Variants in HERC2 observed in about 807,000 individuals in gnomAD.
HERC2 encodes the protein HECT and RLD domain containing E3 ubiquitin protein ligase 2.
Under a neutral mutation model 537.7 loss-of-function variants are expected in HERC2, and 102 were observed. That is an observed-to-expected ratio of 0.19 (90% confidence interval 0.16 to 0.22). The LOEUF (loss-of-function observed/expected upper bound fraction) is 0.22. Ranked by LOEUF, HERC2 falls within the 10% of genes least tolerant of loss-of-function variation. The pLI is 1.00. For missense variants in HERC2, 4,236 were observed against 6,198.2 expected (o/e 0.68, Z 10.63); for synonymous variants, 2,224 against 2,466.2 (o/e 0.90, Z 2.91).
intron 23 of HERC2, among the ~76,000 whole-genome samples, chr15:28,241,786 C>T (rs191629642): frequency 6.6e-6 from 1 of 152,260 alleles, no homozygotes; most frequent in East Asian, 1.9e-4. Flanking sequence ...CACCACTGCA[C>T]TCCAACCTGG....
rs1890004108 is a variant in HERC2, at chr15:28,130,584, A to G, written c.12581T>C (p.Leu4194Pro). The G allele has an allele frequency of 6.2e-7, 1 of 1,613,130 alleles. No individual in the cohort carries two copies. ...GCKVPMKIDS[L>P]TGLGVVKVEC... ...CACTTTAACTACTCCAAGACCAGTA[A>G]GAGAATCAATCTAGAGGGGGAAAAG... The change falls in exon 82 of 93, where the codon CTT (leucine) becomes CCT (proline). Residue 4194 changes from leucine to proline, a missense_variant. Leu to Pro is a moderately conservative substitution (Grantham distance 98). Coordinates refer to ENST00000261609, the MANE Select transcript of HERC2 (RefSeq NM_004667.6).
chr15:28,216,319 T>G (rs7170607), intron 38 of HERC2, among the ~76,000 whole-genome samples: 2,974 of 152,208 alleles, frequency 0.02, 98 homozygotes, highest in African/African-American at 0.068. Flanking sequence ...AAATATTTTT[T>G]TTTTTTGTAT....
intron 78 of HERC2, among the ~76,000 whole-genome samples, chr15:28,136,439 C>T (rs982828764): frequency 2.6e-5 from 4 of 152,240 alleles, no homozygotes; most frequent in Non-Finnish European, 1.5e-5. Context: ...GTGAGGCTCT[C>T]TGGTGCACAG....
rs760180595 is a variant in HERC2, at chr15:28,230,399, C to T, written c.4777G>A (p.Asp1593Asn). Residue 1593 changes from aspartate (D) to asparagine (N), a missense_variant, in exon 31 of 93, where the codon GAC becomes AAC. This residue lies in a region of HERC2 where 343 missense variants were observed against 417.2 expected (regional missense o/e 0.82). Coordinates refer to ENST00000261609, the MANE Select transcript of HERC2 (RefSeq NM_004667.6). ...CILPHSPINVDKRPIAIKSPK... is the reference protein window; with the variant it reads ...CILPHSPINVNKRPIAIKSPK... ...GATTTAATTGCAATGGGTCTCTTGT[C>T]CACATTTATTGGACTATGAGGCAAA... 2 of 1,544,800 alleles carry T rather than the reference C, an allele frequency of 1.3e-6. No individual in the cohort carries two copies. Among genetic ancestry groups the T allele is most frequent in the Non-Finnish European group, 1.8e-6 (2 of 1,134,040 alleles).
At position 28,256,049 on chromosome 15, in the gene HERC2, C is replaced by A. The variant is rs111681126; in HGVS notation, c.2746+40G>T. On this transcript the variant is annotated intron_variant, in intron 18 of 92. Transcript: ENST00000261609. ...AGTGAAACGCCATTCCCTCCCAACA[C>A]CCTGACCCATGCCCTCTCCTGTTCC... is the stretch of plus-strand genomic sequence containing the variant. 6,216 of 1,604,672 alleles carry A rather than the reference C, an allele frequency of 3.9e-3. 195 individuals are homozygous for A. In the African/African-American group the frequency reaches 0.073, roughly 19 times the overall value.
chr15:28,113,518 T>G lies in HERC2; in HGVS notation c.14019+55A>C. The G allele has an allele frequency of 6.2e-6, 9 of 1,440,384 alleles. No individual in the cohort carries two copies. The allele number at this position is 1,440,384 out of a possible 1,614,324, so 89.2% of individuals were successfully genotyped here. A position where few individuals can be genotyped will look rare whatever the true frequency, so the allele number is the denominator to read the frequency against. ...GACTCTAACTGCTGTCACTGATTTG[T>G]GGGTCAGCAGGCAAAAGGCAGCTGC... On this transcript the variant is annotated intron_variant, in intron 91 of 92. Transcript: ENST00000261609. This position sits in a 1 kb window ranked among gnomAD's most constrained non-coding sequence, Gnocchi z 7.0.
Position 28,314,212 on chromosome 15 carries a change from G to GA in HERC2, c.72+7149dup, listed in dbSNP as rs1175967636. ...GACAAAGATACAAGACCACATCATT[G>GA]AAAAATGAAAAAAAAAATAGAAGTC... On this transcript the variant is annotated intron_variant, in intron 2 of 92. Coordinates refer to ENST00000261609, the MANE Select transcript of HERC2 (RefSeq NM_004667.6). Among the ~76,000 whole-genome samples the GA allele has an allele frequency of 3.3e-5, 5 of 150,944 alleles. 1 individual carries two copies. The highest frequency in any genetic ancestry group is 1.2e-4 in the African/African-American group (5 of 41,252).
chr15:28,275,909 A>G (rs1268370482), intron 5 of HERC2, among the ~76,000 whole-genome samples: 5 of 152,198 alleles, frequency 3.3e-5, no homozygotes, highest in Admixed American at 3.3e-4. Flanking sequence ...GCTACTATAA[A>G]CTATATTCTC....
rs571733429 is a variant in HERC2, at chr15:28,224,315, G to T, written c.5465-2100C>A. 2.6e-5 allele frequency among the ~76,000 whole-genome samples: 4 copies of T among 151,886 alleles called. No homozygotes were observed. The East Asian group carries it at 5.8e-4, about 22-fold the overall frequency. On this transcript the variant is annotated intron_variant, in intron 35 of 92. Coordinates refer to ENST00000261609, the MANE Select transcript of HERC2 (RefSeq NM_004667.6). The stretch of plus-strand genomic sequence containing the variant: ...CCGCTCACTGCAACCTCTGCCTCCC[G>T]GGCTCAAGCAATCCTCCCACCTCAG...
intron 70 of HERC2, among the ~76,000 whole-genome samples, chr15:28,149,788 T>TA (rs1892214478): frequency 6.6e-6 from 1 of 150,880 alleles, no homozygotes; most frequent in South Asian, 2.1e-4. Flanking sequence ...TATATTCTAG[T>TA]AAAATCACCG....
intron 48 of HERC2, among the ~76,000 whole-genome samples, chr15:28,199,194 T>A (rs934236869): frequency 6.6e-6 from 1 of 152,002 alleles, no homozygotes; most frequent in African/African-American, 2.4e-5. Context: ...ATTCTAAGTA[T>A]TATTTAATGA....
In HERC2 at chr15:28,233,711, T is replaced by C. The variant is rs373641062; in HGVS notation, c.4304A>G (p.Glu1435Gly). The change falls in exon 28 of 93, where the codon GAG (glutamate) becomes GGG (glycine). Residue 1435 changes from glutamate to glycine, a missense_variant. This residue lies in a region of HERC2 where 94 missense variants were observed against 174.9 expected (regional missense o/e 0.54). Transcript: ENST00000261609. ...IMFPPEHPVEEVGRLLLCCLL... is the reference protein window; with the variant it reads ...IMFPPEHPVEGVGRLLLCCLL... Reference sequence around the variant, plus strand: ...GCAACATAACAACAAGCGACCGACCTCTTCCACGGGATGCTCGGGGGGAAA... The same window carrying C: ...GCAACATAACAACAAGCGACCGACCCCTTCCACGGGATGCTCGGGGGGAAA... 1.9e-6 allele frequency: 3 copies of C among 1,613,854 alleles called. No homozygotes were observed. In the African/African-American group the frequency reaches 4.0e-5, roughly 22 times the overall value.
At position 28,191,187 on chromosome 15, in the gene HERC2, C is replaced by T. The variant is rs752233283; in HGVS notation, c.8509G>A (p.Val2837Ile). ...DVLVHRLKMI[V>I]DPADSSYMPS... ...ATGTAGCTACTGTCAGCAGGATCTA[C>T]GATCATTTTTAATCTATGAACAAGA... Residue 2837 changes from valine (V) to isoleucine (I), a missense_variant, in exon 54 of 93, where the codon GTA becomes ATA. Physicochemically the swap from Val to Ile is conservative, Grantham distance 29. Transcript: ENST00000261609. 5.5e-5 allele frequency: 89 copies of T among 1,613,792 alleles called. No individual in the cohort carries two copies. The highest frequency in any genetic ancestry group is 1.6e-4 in the Middle Eastern group (1 of 6,084).
intron 3 of HERC2, 44 bp from the exon 4 acceptor site, chr15:28,293,066 T>C (rs1377007719): frequency 2.5e-6 from 4 of 1,577,352 alleles, no homozygotes; most frequent in African/African-American, 2.7e-5. Flanking sequence ...CTTTTCAGAA[T>C]GCCATACCAT....
chr15:28,153,555 G>T (rs2142352263), intron 69 of HERC2, among the ~76,000 whole-genome samples: 1 of 152,250 alleles, frequency 6.6e-6, no homozygotes, highest in Admixed American at 6.5e-5. Context: ...GGAGGCTGAG[G>T]CAGGAGAATC....
chr15:28,287,344 A>G (rs958903706), intron 4 of HERC2, among the ~76,000 whole-genome samples: 1 of 152,170 alleles, frequency 6.6e-6, no homozygotes, highest in Non-Finnish European at 1.5e-5. Context: ...AGCCCCTTCA[A>G]GGCTGCCAGG....
rs966960509 is a variant in HERC2 at position 28,114,730 on chromosome 15, T to C, written c.13795A>G (p.Met4599Val). The change falls in exon 90 of 93, where the codon ATG (methionine) becomes GTG (valine). Residue 4599 changes from methionine to valine, a missense_variant. This residue lies in a region of HERC2 where 313 missense variants were observed against 462.6 expected (regional missense o/e 0.68). Coordinates refer to ENST00000261609, the MANE Select transcript of HERC2 (RefSeq NM_004667.6). ...NEATSEEFEA[M>V]SLPFTVPSAS... ...CTTGGCACTGTGAAGGGCAGGCTCA[T>C]GGCTTCAAACTCCTCTGAGGTGGCT... is the stretch of plus-strand genomic sequence containing the variant. 17 of 1,614,026 alleles carry C rather than the reference T, an allele frequency of 1.1e-5. No individual in the cohort carries two copies. Among genetic ancestry groups the C allele is most frequent in the Non-Finnish European group, 1.4e-5 (16 of 1,180,032 alleles).
chr15:28,113,619 G>A lies in HERC2; in HGVS notation c.13973C>T (p.Pro4658Leu), dbSNP rs1887897107. The A allele has an allele frequency of 1.2e-6, 2 of 1,614,092 alleles. No homozygotes were observed. The highest frequency in any genetic ancestry group is 1.3e-5 in the African/African-American group (1 of 74,924). ...GGTGAACAGAGAGAGGAGGGGAACA[G>A]GCACAACGCGGGCCATTCCTTCCCG... ...AVREGMARVV[P>L]VPLLSLFTGY... The change falls in exon 91 of 93, where the codon CCT (proline) becomes CTT (leucine). Residue 4658 changes from proline (P) to leucine (L), a missense_variant. Pro to Leu is a moderately conservative substitution (Grantham distance 98). Around this residue, in one of 27 missense-constraint regions of HERC2, gnomAD observed 313 missense variants for 462.6 expected, o/e 0.68. Transcript: ENST00000261609. The surrounding 1 kb of genome is among the most constrained non-coding windows in gnomAD (Gnocchi z 7.0).
chr15:28,281,106 G>A (rs1445734060), intron 4 of HERC2, among the ~76,000 whole-genome samples: 2 of 152,070 alleles, frequency 1.3e-5, no homozygotes, highest in Non-Finnish European at 2.9e-5. Flanking sequence ...ATATTTTAGA[G>A]GAAGATAAAG....
Sources: gnomAD v4.1 joint callset for allele counts (sites outside exome capture counted in the v4.1 genomes callset) on GRCh38, gnomAD v4.1.1 for gene constraint, gnomAD v4.1.1 regional missense constraint, Gnocchi (gnomAD v3.1) non-coding constraint, MANE v1.5 for transcripts, NCBI Gene and HGNC (gene_info 2026-07-23, HGNC 2026-07-21) for gene names.